CSMD1: variants seen among roughly 807,000 people sequenced by gnomAD.
The protein encoded by CSMD1 is CUB and Sushi multiple domains 1.
A neutral mutation model predicts 417.5 loss-of-function variants in CSMD1; 213 were observed. That is an observed-to-expected ratio of 0.51 (90% CI 0.46 to 0.57). CSMD1 has a LOEUF of 0.57. Ranked by LOEUF, CSMD1 falls within the 20% of genes least tolerant of loss-of-function variation. The probability of loss-of-function intolerance (pLI) is 0.00; values close to 1 mark genes in which losing one functional copy is unlikely to be tolerated. For synonymous variants in CSMD1, 2,862 were observed against 1,736.8 expected (o/e 1.65, Z -16.11); for missense variants, 6,923 against 4,529.7 (o/e 1.53, Z -15.17).
At chr8:3,530,858 T>C (rs995581633) in intron 10 of CSMD1, among the ~76,000 whole-genome samples, 1 of 118,868 alleles carries the variant, frequency 8.4e-6, no homozygotes. Context: ...GCCTCTCCTT[T>C]TTCCTATTTT....
chr8:4,036,709 G>C (rs889963227), intron 3 of CSMD1, among the ~76,000 whole-genome samples: 1 of 152,184 alleles, frequency 6.6e-6, no homozygotes, highest in African/African-American at 2.4e-5. Context: ...CTGACGTAAA[G>C]GATCCTTTTG....
At chr8:3,752,833 A>C (rs187102262) in intron 6 of CSMD1, among the ~76,000 whole-genome samples, 1 of 152,236 alleles carries the variant, frequency 6.6e-6, no homozygotes, top group East Asian at 1.9e-4. Flanking sequence ...CACCCTCTGC[A>C]TTTCATTCCC....
chr8:4,761,277 C>G (rs1167675883), intron 1 of CSMD1, among the ~76,000 whole-genome samples: 1 of 151,934 alleles, frequency 6.6e-6, no homozygotes, highest in Non-Finnish European at 1.5e-5. Flanking sequence ...AAAGCATGGT[C>G]AGTGTAAAAT....
At chr8:4,444,457 C>T (rs1247642669) in intron 2 of CSMD1, among the ~76,000 whole-genome samples, 2 of 149,344 alleles carry the variant, frequency 1.3e-5, no homozygotes, top group African/African-American at 2.5e-5. Flanking sequence ...GTGAGAAAAC[C>T]ACCTGAGGAA....
At chr8:4,040,015 G>C (rs757598450) in intron 3 of CSMD1, among the ~76,000 whole-genome samples, 1 of 151,824 alleles carries the variant, frequency 6.6e-6, no homozygotes, top group Non-Finnish European at 1.5e-5. Context: ...TACATGTCAG[G>C]ACTGTTAAAA....
At chr8:3,429,938 G>C (rs1426955516) in intron 12 of CSMD1, among the ~76,000 whole-genome samples, 2 of 152,224 alleles carry the variant, frequency 1.3e-5, no homozygotes, top group East Asian at 3.9e-4. Flanking sequence ...TCTTATATTT[G>C]TCAATCTCGA....
At chr8:4,545,119 G>A (rs1797573497) in intron 2 of CSMD1, among the ~76,000 whole-genome samples, 1 of 152,140 alleles carries the variant, frequency 6.6e-6, no homozygotes, top group South Asian at 2.1e-4. Flanking sequence ...ATAGTAACTT[G>A]GAAAGAGCAC....
chr8:4,194,994 G>A (rs1024567918), intron 3 of CSMD1, among the ~76,000 whole-genome samples: 4 of 151,722 alleles, frequency 2.6e-5, no homozygotes, highest in Non-Finnish European at 5.9e-5. Flanking sequence ...TTTCATCTGG[G>A]AATTTTCCAT....
At chr8:3,306,980 A>G (rs1324338973) in intron 25 of CSMD1, among the ~76,000 whole-genome samples, 1 of 152,106 alleles carries the variant, frequency 6.6e-6, no homozygotes, top group Non-Finnish European at 1.5e-5. Context: ...ATTTTCTTTT[A>G]TATGTGTTAC....
At chr8:3,696,105 T>G (rs149324977) in intron 7 of CSMD1, among the ~76,000 whole-genome samples, 1 of 152,260 alleles carries the variant, frequency 6.6e-6, no homozygotes, top group East Asian at 1.9e-4. Flanking sequence ...TACATATCAG[T>G]TACCTTGAAT....
At chr8:4,423,271 C>G (rs181221052) in intron 2 of CSMD1, among the ~76,000 whole-genome samples, 31 of 152,098 alleles carry the variant, frequency 2.0e-4, no homozygotes, top group African/African-American at 7.0e-4. Context: ...AATAAAATTA[C>G]TACTATTTGA....
intron 1 of CSMD1, among the ~76,000 whole-genome samples, chr8:4,740,378 T>C (rs969415251): frequency 2.0e-5 from 3 of 152,130 alleles, no homozygotes; most frequent in Non-Finnish European, 2.9e-5. Flanking sequence ...AGAAATACAG[T>C]ATTAGAATGA....
intron 3 of CSMD1, among the ~76,000 whole-genome samples, chr8:4,357,958 C>G (rs543697302): frequency 6.6e-6 from 1 of 152,108 alleles, no homozygotes; most frequent in African/African-American, 2.4e-5. Flanking sequence ...GGTGTAATGC[C>G]TGAATGAGAC....
intron 3 of CSMD1, among the ~76,000 whole-genome samples, chr8:4,033,722 C>T (rs1281093418): frequency 1.3e-5 from 2 of 152,164 alleles, no homozygotes; most frequent in Non-Finnish European, 2.9e-5. Flanking sequence ...TGACTCTTTT[C>T]ATTGACAATT....
chr8:4,688,334 C>T (rs1478755504), intron 1 of CSMD1, among the ~76,000 whole-genome samples: 4 of 152,104 alleles, frequency 2.6e-5, no homozygotes, highest in Admixed American at 2.6e-4. Context: ...GGTCAAGTCA[C>T]CAGAACTAAA....
intron 5 of CSMD1, among the ~76,000 whole-genome samples, chr8:3,756,632 G>A (rs1022176769): frequency 1.3e-5 from 2 of 152,080 alleles, no homozygotes; most frequent in Admixed American, 1.3e-4. Context: ...ATTTCATATG[G>A]TGATAGAAGA....
At position 4,452,417 on chromosome 8, in the gene CSMD1, A is replaced by C. The variant is rs147424586; in HGVS notation, c.303-32352T>G. ...TTGGGGTTCAGAGGTTCATGTTCTTACACGGTGATTCTTGACAAATAAGGC... is the reference window on the plus strand; with the variant it reads ...TTGGGGTTCAGAGGTTCATGTTCTTCCACGGTGATTCTTGACAAATAAGGC... On this transcript the variant is annotated intron_variant, in intron 2 of 69. Transcript: ENST00000635120. Among the ~76,000 whole-genome samples, 18 of 152,326 alleles carry C rather than the reference A, an allele frequency of 1.2e-4. No homozygotes were observed. In the East Asian group the frequency reaches 3.5e-3, roughly 29 times the overall value.
intron 2 of CSMD1, among the ~76,000 whole-genome samples, chr8:4,455,135 G>C (rs1038170641): frequency 2.0e-5 from 3 of 152,140 alleles, no homozygotes; most frequent in African/African-American, 4.8e-5. Context: ...TATCAAAGAG[G>C]ATTTGGACAA....
At chr8:3,565,995 T>A (rs947040527) in intron 10 of CSMD1, among the ~76,000 whole-genome samples, 1 of 152,190 alleles carries the variant, frequency 6.6e-6, no homozygotes, top group African/African-American at 2.4e-5. Context: ...ATATAATACA[T>A]TGACACCCCA....
Sources: gnomAD v4.1 joint callset for allele counts (sites outside exome capture counted in the v4.1 genomes callset) on GRCh38, gnomAD v4.1.1 for gene constraint, MANE v1.5 for transcripts, NCBI Gene and HGNC (gene_info 2026-07-23, HGNC 2026-07-21) for gene names.